Variants in WDR37 observed in about 807,000 individuals in gnomAD.
The protein encoded by WDR37 is WD repeat domain 37.
WDR37 carries 19 observed loss-of-function variants against 62.9 expected under a neutral mutation model. The ratio of observed to expected loss-of-function variants is 0.30; its 90% confidence interval spans 0.21 to 0.44. The LOEUF (loss-of-function observed/expected upper bound fraction) is 0.44. Among genes scored for constraint, WDR37 ranks in the 20% least tolerant of loss-of-function variants. WDR37 has a pLI of 1.00. For missense variants in WDR37, 474 were observed against 657.6 expected (o/e 0.72, Z 3.05); for synonymous variants, 250 against 260.9 (o/e 0.96, Z 0.40).
chr10:1,078,008 G>A lies in WDR37; in HGVS notation c.235+5G>A, dbSNP rs377130273. 1.3e-6 allele frequency: 2 copies of A among 1,585,930 alleles called. No homozygotes were observed. The highest frequency in any genetic ancestry group is 2.7e-5 in the African/African-American group (2 of 74,068). ...TTTATATCGAAAACTTAGAATGTGA[G>A]TATCTCCTATTTTAATATACTTTTA... On this transcript the variant is annotated splice_donor_5th_base_variant and intron_variant, in intron 3 of 13. Coordinates refer to ENST00000263150, the MANE Select transcript of WDR37 (RefSeq NM_014023.4).
chr10:1,092,128 T>C (rs1045346284), intron 7 of WDR37, among the ~76,000 whole-genome samples: 17 of 140,188 alleles, frequency 1.2e-4, no homozygotes, highest in South Asian at 1.1e-3. Context: ...TGCAGTGAGC[T>C]GAGATCGCGC....
intron 2 of WDR37, among the ~76,000 whole-genome samples, chr10:1,076,170 T>C (rs1180630126): frequency 2.0e-5 from 3 of 152,060 alleles, no homozygotes; most frequent in Non-Finnish European, 4.4e-5. Flanking sequence ...TTTAGAAGGA[T>C]GTTTAGAGGC....
rs1476005402 is a variant in WDR37, at chr10:1,124,325, C to G, written c.1211C>G (p.Thr404Ser). ...AAAAATATGAGATCCCCCATTGCAA[C>G]TATTCGCACGGACTCTGCCATTAAC... ...DLKNMRSPIA[T>S]IRTDSAINRI... Residue 404 changes from threonine to serine, a missense_variant, in exon 12 of 14, where the codon ACT becomes AGT. Physicochemically the swap from Thr to Ser is moderately conservative, Grantham distance 58. Transcript: ENST00000263150. The G allele has an allele frequency of 6.2e-7, 1 of 1,614,214 alleles. No individual in the cohort carries two copies.
intron 2 of WDR37, 139 bp from the exon 3 acceptor site, chr10:1,077,768 T>G (rs1833922238): frequency 1.5e-6 from 1 of 683,114 alleles, no homozygotes. Context: ...TTTAAACTCT[T>G]TAAGCATTTT....
intron 2 of WDR37, chr10:1,074,495 G>A (rs143684705): frequency 3.1e-5 from 41 of 1,304,452 alleles, no homozygotes; most frequent in Non-Finnish European, 3.6e-5. Context: ...GAGTGGGACC[G>A]GTCAGCATGT....
chr10:1,060,525 A>G (rs969998647), intron 1 of WDR37, among the ~76,000 whole-genome samples: 6 of 148,126 alleles, frequency 4.1e-5, no homozygotes, highest in Admixed American at 2.0e-4. Context: ...AATCTGTCCA[A>G]TAATATTGGG....
At chr10:1,096,102 G>A (rs1194940166) in intron 8 of WDR37, 68 bp from the exon 9 acceptor site, 6 of 1,478,132 alleles carry the variant, frequency 4.1e-6, no homozygotes, top group Non-Finnish European at 4.7e-6. Context: ...CTTAGCCATA[G>A]TGGCGGTGAA....
At chr10:1,110,173 C>T (rs1275313384) in intron 11 of WDR37, among the ~76,000 whole-genome samples, 1 of 152,150 alleles carries the variant, frequency 6.6e-6, no homozygotes, top group Non-Finnish European at 1.5e-5. Context: ...TGTGTCGGGG[C>T]GAGTCCGCTG....
chr10:1,117,871 C>T (rs1297445928), intron 11 of WDR37, among the ~76,000 whole-genome samples: 1 of 152,198 alleles, frequency 6.6e-6, no homozygotes, highest in Non-Finnish European at 1.5e-5. Context: ...CACTCAGCCA[C>T]CCTCAGCCAG....
chr10:1,067,978 G>C (rs1833604464), intron 1 of WDR37, among the ~76,000 whole-genome samples: 1 of 152,160 alleles, frequency 6.6e-6, no homozygotes, highest in African/African-American at 2.4e-5. Context: ...GGCACAAAAA[G>C]TCATGTCTCA....
At chr10:1,072,652 C>T (rs777339956) in intron 2 of WDR37, among the ~76,000 whole-genome samples, 7 of 151,334 alleles carry the variant, frequency 4.6e-5, no homozygotes, top group Middle Eastern at 3.4e-3. Flanking sequence ...GTGTCTGTGA[C>T]GTTATAAAAG....
chr10:1,081,057 T>G (rs893001566), intron 5 of WDR37, among the ~76,000 whole-genome samples: 1 of 152,218 alleles, frequency 6.6e-6, no homozygotes, highest in Non-Finnish European at 1.5e-5. Flanking sequence ...ATAAAGGGTC[T>G]GAATTTGGAG....
chr10:1,128,352 G>A (rs1232756394), intron 13 of WDR37, among the ~76,000 whole-genome samples: 2 of 152,232 alleles, frequency 1.3e-5, no homozygotes, highest in African/African-American at 4.8e-5. Context: ...TATTCTAAGT[G>A]TTGGCTAAGA....
intron 8 of WDR37, among the ~76,000 whole-genome samples, chr10:1,093,719 T>C (rs1250588091): frequency 1.3e-5 from 2 of 152,230 alleles, no homozygotes; most frequent in Non-Finnish European, 2.9e-5. Context: ...GAGATGAAGA[T>C]GGCTTCACGG....
chr10:1,112,768 C>T (rs1381412319), intron 11 of WDR37, among the ~76,000 whole-genome samples: 2 of 152,216 alleles, frequency 1.3e-5, no homozygotes, highest in Non-Finnish European at 2.9e-5. Flanking sequence ...GAGCAGGGCC[C>T]TGACTCTTCA....
intron 9 of WDR37, among the ~76,000 whole-genome samples, chr10:1,102,498 G>C (rs1214706431): frequency 1.3e-5 from 2 of 152,182 alleles, no homozygotes; most frequent in African/African-American, 2.4e-5. Flanking sequence ...CTTGGCTTCT[G>C]GGGAGGCTTC....
intron 1 of WDR37, among the ~76,000 whole-genome samples, chr10:1,062,006 T>A (rs1589071119): frequency 8.6e-6 from 1 of 116,036 alleles, no homozygotes; most frequent in Non-Finnish European, 1.8e-5. Context: ...GGTCTTGAGC[T>A]TTTTTTTTTT....
chr10:1,078,442 T>C (rs1482292048), intron 3 of WDR37, among the ~76,000 whole-genome samples: 1 of 152,232 alleles, frequency 6.6e-6, no homozygotes, highest in Non-Finnish European at 1.5e-5. Context: ...CTTAAAAATT[T>C]ATCAGACAGT....
intron 1 of WDR37, among the ~76,000 whole-genome samples, chr10:1,062,018 G>A (rs547466783): frequency 3.4e-5 from 5 of 147,118 alleles, no homozygotes; most frequent in African/African-American, 1.3e-4. Flanking sequence ...TTTTTTTTTT[G>A]GGGGGGCCAA....
Sources: allele counts gnomAD v4.1 joint callset (sites outside exome capture counted in the v4.1 genomes callset), GRCh38; gene constraint gnomAD v4.1.1; transcripts MANE v1.5; gene names NCBI Gene and HGNC (gene_info 2026-07-23, HGNC 2026-07-21).